The following ELAVL2 variants were observed in gnomAD, a reference collection of about 807,000 sequenced individuals.
The protein encoded by ELAVL2 is ELAV-like protein 2.
In ELAVL2, 4 loss-of-function variants were observed where a neutral mutation model predicts 34.6. The ratio of observed to expected loss-of-function variants is 0.12; its 90% confidence interval spans 0.06 to 0.26. The LOEUF (loss-of-function observed/expected upper bound fraction) is 0.26. Ranked by LOEUF, ELAVL2 falls within the 10% of genes least tolerant of loss-of-function variation. The pLI is 1.00. For missense variants in ELAVL2, 432 were observed against 442.8 expected (o/e 0.98, Z 0.22); for synonymous variants, 193 against 154.8 (o/e 1.25, Z -1.83).
At chr9:23,788,313 T>G (rs2059937913) in intron 1 of ELAVL2, among the ~76,000 whole-genome samples, 1 of 152,206 alleles carries the variant, frequency 6.6e-6, no homozygotes, top group Non-Finnish European at 1.5e-5. Flanking sequence ...ATCCTAAGTC[T>G]TGATTTCCTC....
chr9:23,724,659 A>T (rs1211491341), intron 3 of ELAVL2, among the ~76,000 whole-genome samples: 1 of 152,220 alleles, frequency 6.6e-6, no homozygotes, highest in Admixed American at 6.5e-5. Flanking sequence ...CTCAATATAG[A>T]TAGAAGCATT....
chr9:23,743,963 G>A (rs1212959622), intron 2 of ELAVL2, among the ~76,000 whole-genome samples: 1 of 152,146 alleles, frequency 6.6e-6, no homozygotes, highest in Non-Finnish European at 1.5e-5. Flanking sequence ...GAGCTTCTCA[G>A]CTATTTGGGC....
In ELAVL2 at chr9:23,696,665, G is replaced by T. The variant is rs1288007407; in HGVS notation, c.714-3179C>A. ...TTTTTGTATTTTTAGTAGAGACGGG[G>T]TTTCACCATTTAGCCATGATGGTCT... On this transcript the variant is annotated intron_variant, in intron 5 of 6. Coordinates refer to ENST00000397312, the MANE Select transcript of ELAVL2 (RefSeq NM_004432.5). Among the ~76,000 whole-genome samples the T allele has an allele frequency of 4.6e-5, 7 of 151,964 alleles. No individual in the cohort carries two copies. The South Asian group carries it at 1.5e-3, about 32-fold the overall frequency.
At chr9:23,731,384 C>G (rs944766741) in intron 2 of ELAVL2, among the ~76,000 whole-genome samples, 2 of 152,066 alleles carry the variant, frequency 1.3e-5, no homozygotes, top group African/African-American at 4.8e-5. Context: ...CATCCATGCC[C>G]TGCCTGAGCC....
chr9:23,815,362 C>CT (rs2063558175), intron 1 of ELAVL2, among the ~76,000 whole-genome samples: 1 of 152,176 alleles, frequency 6.6e-6, no homozygotes, highest in Non-Finnish European at 1.5e-5. Flanking sequence ...ATAAATATGT[C>CT]TATTTCCATA....
chr9:23,780,938 T>G (rs920454764), intron 1 of ELAVL2, among the ~76,000 whole-genome samples: 6 of 152,118 alleles, frequency 3.9e-5, no homozygotes, highest in Non-Finnish European at 8.8e-5. Context: ...AGTCCCAGGC[T>G]AACAAACTAA....
intron 5 of ELAVL2, among the ~76,000 whole-genome samples, chr9:23,700,667 T>C (rs2133107414): frequency 6.6e-6 from 1 of 152,284 alleles, no homozygotes; most frequent in South Asian, 2.1e-4. Context: ...ACAGTGACCA[T>C]AACCCATAAA....
chr9:23,760,059 G>A (rs373592263), intron 2 of ELAVL2, among the ~76,000 whole-genome samples: 17 of 151,592 alleles, frequency 1.1e-4, no homozygotes, highest in Middle Eastern at 3.4e-3. Context: ...TATTACCACC[G>A]TCTACCACAC....
At chr9:23,715,322 T>G (rs2042016559) in intron 3 of ELAVL2, among the ~76,000 whole-genome samples, 1 of 151,932 alleles carries the variant, frequency 6.6e-6, no homozygotes, top group Non-Finnish European at 1.5e-5. Flanking sequence ...CTAATTTTGT[T>G]GTATTTTTGT....
At chr9:23,839,547 C>T in the ELAVL2 span, among the ~76,000 whole-genome samples, 1 of 152,144 alleles carries the variant, frequency 6.6e-6, no homozygotes, top group African/African-American at 2.4e-5. Context: ...ATATTGGTGT[C>T]AGTCCCAAAT....
chr9:23,797,864 G>A (rs140037424), intron 1 of ELAVL2, among the ~76,000 whole-genome samples: 81 of 152,198 alleles, frequency 5.3e-4, no homozygotes, highest in African/African-American at 1.9e-3. Flanking sequence ...GGAAGCGGAG[G>A]TTGCGGTAAG....
chr9:23,776,112 T>C (rs1320972581), intron 1 of ELAVL2, among the ~76,000 whole-genome samples: 4 of 152,166 alleles, frequency 2.6e-5, no homozygotes, highest in Non-Finnish European at 4.4e-5. Context: ...CAACCCTGTA[T>C]AGCTGGAGGA....
At position 23,762,032 on chromosome 9, in the gene ELAVL2, C is replaced by A; in HGVS notation, c.203G>T (p.Cys68Phe). ...LFGSIGEIES[C>F]KLVRDKITGQ... ...TGTTATTTTGTCTCTTACAAGCTTA[C>A]AGGACTCTATTTCACCAATGCTCCC... Residue 68 changes from cysteine to phenylalanine, a missense_variant, in exon 2 of 7, where the codon TGT (cysteine) becomes TTT (phenylalanine). Transcript: ENST00000397312. 6.2e-7 allele frequency: 1 copy of A among 1,612,996 alleles called. No homozygotes were observed. Among genetic ancestry groups the A allele is most frequent in the Non-Finnish European group, 8.5e-7 (1 of 1,179,336 alleles).
chr9:23,827,856 C>T (rs150077424), upstream of ELAVL2, among the ~76,000 whole-genome samples: 39 of 152,194 alleles, frequency 2.6e-4, no homozygotes, highest in African/African-American at 8.2e-4. Context: ...GCCTGTATAA[C>T]AATATACGAG....
intron 1 of ELAVL2, among the ~76,000 whole-genome samples, chr9:23,787,711 T>G (rs913101642): frequency 6.6e-6 from 1 of 152,014 alleles, no homozygotes; most frequent in Non-Finnish European, 1.5e-5. Flanking sequence ...CCAGACCAAT[T>G]AAATAAGAAT....
chr9:23,691,813 T>G lies in ELAVL2; in HGVS notation c.*744A>C, dbSNP rs924320170. On this transcript the variant is annotated 3_prime_UTR_variant, in exon 7 of 7. Transcript: ENST00000397312. ...TTTTAAAAGCTCACTAGGTGTCATA[T>G]GAAGAGATTTCTCAAAGTATTCAAG... is the stretch of plus-strand genomic sequence containing the variant. 1 of 152,596 alleles carries G rather than the reference T, an allele frequency of 6.6e-6. No individual in the cohort carries two copies. Among genetic ancestry groups the G allele is most frequent in the African/African-American group, 2.4e-5 (1 of 41,444 alleles). 9.5% of individuals were successfully genotyped at this position (152,596 alleles called of 1,614,324 possible).
intron 1 of ELAVL2, among the ~76,000 whole-genome samples, chr9:23,776,618 A>G (rs1029320668): frequency 1.3e-5 from 2 of 152,094 alleles, no homozygotes; most frequent in African/African-American, 4.8e-5. Flanking sequence ...GAACTTCTCC[A>G]AAACACACCT....
chr9:23,694,879 T>G (rs2034567779), intron 5 of ELAVL2, among the ~76,000 whole-genome samples: 1 of 152,156 alleles, frequency 6.6e-6, no homozygotes, highest in Non-Finnish European at 1.5e-5. Flanking sequence ...GGTGCGTGTG[T>G]GTGTGTGCGT....
rs2033268249 is a variant in ELAVL2, at chr9:23,691,779, C to T, written c.*778G>A. On this transcript the variant is annotated 3_prime_UTR_variant, in exon 7 of 7. Transcript: ENST00000397312. ...TAAATTTTCCAACCGCTGCAAATTTCCTGGTAAATTTTAAAAGCTCACTAG... is the reference window on the plus strand; with the variant it reads ...TAAATTTTCCAACCGCTGCAAATTTTCTGGTAAATTTTAAAAGCTCACTAG... The T allele has an allele frequency of 6.6e-6, 1 of 152,532 alleles. No homozygotes were observed. The allele number at this position is 152,532 out of a possible 1,614,324, so 9.4% of individuals were successfully genotyped here. A position where few individuals can be genotyped will look rare whatever the true frequency, so the allele number is the denominator to read the frequency against.
Sources: gnomAD v4.1 joint callset for allele counts (sites outside exome capture counted in the v4.1 genomes callset) on GRCh38, gnomAD v4.1.1 for gene constraint, MANE v1.5 for transcripts, NCBI Gene and HGNC (gene_info 2026-07-23, HGNC 2026-07-21) for gene names.